Variants in ADK observed in about 807,000 individuals in gnomAD.
The protein encoded by ADK is N6,N6-dimethyladenosine kinase.
A neutral mutation model predicts 44.7 loss-of-function variants in ADK; 24 were observed. The ratio of observed to expected loss-of-function variants is 0.54; its 90% CI spans 0.39 to 0.76. The LOEUF (loss-of-function observed/expected upper bound fraction) is 0.76. Among genes scored for constraint, ADK ranks in the 30% least tolerant of loss-of-function variants. The probability of loss-of-function intolerance (pLI) is 0.00; values close to 1 mark genes in which losing one functional copy is unlikely to be tolerated. For missense variants in ADK, 321 were observed against 425.1 expected (o/e 0.76, Z 2.15); for synonymous variants, 128 against 142.6 (o/e 0.90, Z 0.73).
intron 9 of ADK, chr10:74,655,169 G>A: frequency 9.7e-6 from 3 of 308,522 alleles, no homozygotes; most frequent in Non-Finnish European, 1.9e-5. Flanking sequence ...AAGAACCCAA[G>A]GAAGAAGTAA....
At chr10:74,458,645 G>C (rs914060959) in intron 6 of ADK, among the ~76,000 whole-genome samples, 1 of 152,050 alleles carries the variant, frequency 6.6e-6, no homozygotes, top group Non-Finnish European at 1.5e-5. Context: ...GTAAAGTAAT[G>C]TAGATCTAGT....
At chr10:74,318,434 T>G (rs1840703484) in intron 4 of ADK, among the ~76,000 whole-genome samples, 1 of 152,180 alleles carries the variant, frequency 6.6e-6, no homozygotes, top group African/African-American at 2.4e-5. Context: ...AGTGCGAGGA[T>G]TACAGGTGCG....
intron 9 of ADK, among the ~76,000 whole-genome samples, chr10:74,611,878 A>G (rs1020692004): frequency 4.6e-5 from 7 of 152,258 alleles, no homozygotes; most frequent in Middle Eastern, 3.4e-3. Flanking sequence ...TCCGCTGTTG[A>G]TGGACACTTA....
chr10:74,679,305 G>A (rs760427560), intron 10 of ADK, among the ~76,000 whole-genome samples: 2 of 152,092 alleles, frequency 1.3e-5, no homozygotes, highest in Non-Finnish European at 2.9e-5. Context: ...AAAAAGGCAG[G>A]GGCAAGAAAG....
rs145013546 is a variant in ADK at position 74,175,005 on chromosome 10, T to C, written c.65+23662T>C. ...CTTAATTATTCTATCACAGGGACAG[T>C]GATAGGTAAAGCTAACTTAGACTAG... On this transcript the variant is annotated intron_variant, in intron 1 of 10. Transcript: ENST00000539909. 1.1e-3 allele frequency among the ~76,000 whole-genome samples: 174 copies of C among 152,338 alleles called. 1 individual carries two copies. The highest frequency in any genetic ancestry group is 9.6e-3 in the Admixed American group (147 of 15,298).
intron 4 of ADK, among the ~76,000 whole-genome samples, chr10:74,359,985 ATT>A (rs1842283001): frequency 6.6e-6 from 1 of 151,984 alleles, no homozygotes; most frequent in African/African-American, 2.4e-5. Flanking sequence ...TTGTATGTCG[ATT>A]TTGTATCTGA....
intron 6 of ADK, among the ~76,000 whole-genome samples, chr10:74,517,738 C>G (rs1400343398): frequency 2.0e-5 from 3 of 151,484 alleles, no homozygotes. Context: ...TGATTTTCTG[C>G]TTCCAAAAGG....
At chr10:74,481,380 A>G (rs1250077410) in intron 6 of ADK, among the ~76,000 whole-genome samples, 1 of 151,986 alleles carries the variant, frequency 6.6e-6, no homozygotes, top group Non-Finnish European at 1.5e-5. Flanking sequence ...TTATTTTATT[A>G]CCTTTGTTAG....
At chr10:74,599,359 G>T (rs1409932557) in intron 8 of ADK, among the ~76,000 whole-genome samples, 1 of 152,142 alleles carries the variant, frequency 6.6e-6, no homozygotes, top group Admixed American at 6.6e-5. Flanking sequence ...GGTGACGTTT[G>T]TAACGATTGC....
chr10:74,608,624 C>T (rs1357648370), intron 9 of ADK, among the ~76,000 whole-genome samples: 1 of 152,220 alleles, frequency 6.6e-6, no homozygotes, highest in South Asian at 2.1e-4. Flanking sequence ...GAGGGGCACC[C>T]GCCAGATGCC....
At chr10:74,277,938 A>G (rs1452538564) in intron 3 of ADK, among the ~76,000 whole-genome samples, 1 of 152,218 alleles carries the variant, frequency 6.6e-6, no homozygotes, top group African/African-American at 2.4e-5. Flanking sequence ...GCAGAAATTC[A>G]TATATTCCAT....
chr10:74,551,261 T>C (rs1239571484), intron 7 of ADK: 1 of 152,220 alleles, frequency 6.6e-6, no homozygotes, highest in Non-Finnish European at 1.5e-5. Flanking sequence ...AAATTAATTC[T>C]ATATGATTGT....
intron 6 of ADK, among the ~76,000 whole-genome samples, chr10:74,422,452 CTAAA>C (rs1398615672): frequency 6.6e-6 from 1 of 152,148 alleles, no homozygotes; most frequent in Non-Finnish European, 1.5e-5. Context: ...CTGGTGAAAT[CTAAA>C]TAAAGTCTTG....
At chr10:74,663,248 A>AATAT (rs199853152) in intron 9 of ADK, among the ~76,000 whole-genome samples, 26,883 of 140,632 alleles carry the variant, frequency 0.19, 3,343 homozygotes, top group East Asian at 0.58. Flanking sequence ...AAAAAAAAAT[A>AATAT]ATATATATAT....
intron 9 of ADK, among the ~76,000 whole-genome samples, chr10:74,666,941 G>A (rs564250882): frequency 8.1e-5 from 12 of 147,752 alleles, no homozygotes; most frequent in African/African-American, 2.8e-4. Context: ...AGTGATTCTC[G>A]TGCCTCAGCC....
At chr10:74,340,962 ACTT>A (rs369891893) in intron 4 of ADK, among the ~76,000 whole-genome samples, 4 of 152,202 alleles carry the variant, frequency 2.6e-5, no homozygotes, top group Non-Finnish European at 4.4e-5. Context: ...ATATGAAAAT[ACTT>A]CTTAATGATT....
intron 9 of ADK, among the ~76,000 whole-genome samples, chr10:74,662,933 A>G (rs1487772794): frequency 6.6e-6 from 1 of 152,062 alleles, no homozygotes; most frequent in Non-Finnish European, 1.5e-5. Flanking sequence ...GGCACCTATT[A>G]ATATCTCAAA....
intron 4 of ADK, among the ~76,000 whole-genome samples, chr10:74,363,397 G>A (rs1385553213): frequency 6.6e-6 from 1 of 152,104 alleles, no homozygotes; most frequent in African/African-American, 2.4e-5. Flanking sequence ...GCAGTGAGAC[G>A]AGCCAAAGCT....
chr10:74,490,415 A>G (rs561133362), intron 6 of ADK, among the ~76,000 whole-genome samples: 1 of 152,238 alleles, frequency 6.6e-6, no homozygotes, highest in Admixed American at 6.5e-5. Flanking sequence ...ATGTAATTAT[A>G]TAGAAGAAAA....
Sources: allele counts gnomAD v4.1 joint callset (sites outside exome capture counted in the v4.1 genomes callset), GRCh38; gene constraint gnomAD v4.1.1; transcripts MANE v1.5; gene names NCBI Gene and HGNC (gene_info 2026-07-23, HGNC 2026-07-21).